CDH20: variants seen among roughly 807,000 people sequenced by gnomAD.
The protein encoded by CDH20 is cadherin 20, also known as cadherin-20.
Under a neutral mutation model 74.2 loss-of-function variants are expected in CDH20, and 29 were observed. The ratio of observed to expected loss-of-function variants is 0.39; its 90% confidence interval spans 0.29 to 0.53. The LOEUF is 0.53. CDH20 is among the 20% of genes least tolerant of loss of function. The pLI, the probability that CDH20 is intolerant of heterozygous loss-of-function variation, is 0.69. For synonymous variants in CDH20, 469 were observed against 405.4 expected, an observed-to-expected ratio of 1.16 and a Z score of -1.88; for missense variants, 988 against 1,048.3, an observed-to-expected ratio of 0.94 and a Z score of 0.79.
At chr18:61,531,163 CCATTGGGGAA>C (rs1193387743) in intron 7 of CDH20, among the ~76,000 whole-genome samples, 1 of 152,220 alleles carries the variant, frequency 6.6e-6, no homozygotes, top group African/African-American at 2.4e-5. Context: ...AATTCTGGCC[CCATTGGGGAA>C]ATCAGAGAGG....
At chr18:61,386,147 T>G (rs1911593452) in intron 1 of CDH20, among the ~76,000 whole-genome samples, 1 of 152,150 alleles carries the variant, frequency 6.6e-6, no homozygotes, top group South Asian at 2.1e-4. Flanking sequence ...GGTCAGAAAT[T>G]TATCAATAAA....
intron 6 of CDH20, among the ~76,000 whole-genome samples, chr18:61,515,101 C>T (rs1190375059): frequency 2.0e-5 from 3 of 152,178 alleles, no homozygotes; most frequent in Non-Finnish European, 4.4e-5. Flanking sequence ...CCCCCAGACT[C>T]GCTGCCACCT....
intron 1 of CDH20, among the ~76,000 whole-genome samples, chr18:61,398,218 G>A (rs1363000637): frequency 6.6e-6 from 1 of 152,148 alleles, no homozygotes; most frequent in Admixed American, 6.5e-5. Flanking sequence ...ACTAGTATAC[G>A]AATCATACAT....
Position 61,554,314 on chromosome 18 carries a change from C to T in CDH20, c.2025C>T (p.Thr675=), listed in dbSNP as rs1411801581. 4 of 1,613,672 alleles carry T rather than the reference C, an allele frequency of 2.5e-6. No homozygotes were observed. In the South Asian group the frequency reaches 4.4e-5, roughly 18 times the overall value. ...ACGAGGGCGGCGGCGAGGAGGACAC[C>T]GAGGCCTTCGACATCGCGGCCATGT... ...YDDEGGGEED[T]EAFDIAAMWN... Residue 675 remains threonine (T), a synonymous_variant, in exon 12 of 12, where the codon ACC becomes ACT. Transcript: ENST00000262717.
chr18:61,430,103 G>A (rs1913206767), intron 1 of CDH20, among the ~76,000 whole-genome samples: 3 of 151,626 alleles, frequency 2.0e-5, no homozygotes, highest in Admixed American at 2.0e-4. Flanking sequence ...TTACTCCTAG[G>A]CATCTTTTTT....
rs372638069 is a variant in CDH20 at position 61,378,488 on chromosome 18, G to A, written c.-153+44661G>A. ...CCAACGGATTAGATGATGCCTGCTC[G>A]CGTTGGACAGAGCAAGCTGCTGTAC... On this transcript the variant is annotated intron_variant, in intron 1 of 11. Coordinates refer to ENST00000262717, the MANE Select transcript of CDH20 (RefSeq NM_031891.4). 7.9e-5 allele frequency among the ~76,000 whole-genome samples: 12 copies of A among 152,240 alleles called. No homozygotes were observed. In the East Asian group the frequency reaches 1.5e-3, roughly 20 times the overall value.
rs1344790720 is a variant in CDH20 at position 61,347,347 on chromosome 18, CACACAT to C, written c.-153+13522_-153+13527del. Among the ~76,000 whole-genome samples, 483 of 120,308 alleles carry C rather than the reference CACACAT, an allele frequency of 4.0e-3. 4 individuals are homozygous for C. The highest frequency in any genetic ancestry group is 0.014 in the African/African-American group (446 of 31,056). The allele number at this position is 120,308 out of a possible 152,430, so 78.9% of individuals were successfully genotyped here. A position where few individuals can be genotyped will look rare whatever the true frequency, so the allele number is the denominator to read the frequency against. ...ACACACACACACACACACACACACA[CACACAT>C]ATATATATACACAAAAATTAGCCGG... On this transcript the variant is annotated intron_variant, in intron 1 of 11. Transcript: ENST00000262717.
At chr18:61,352,023 G>T (rs551346273) in intron 1 of CDH20, among the ~76,000 whole-genome samples, 1 of 152,254 alleles carries the variant, frequency 6.6e-6, no homozygotes, top group Admixed American at 6.5e-5. Flanking sequence ...AGATGTTTTT[G>T]ATCTTTGACC....
At chr18:61,381,388 T>C (rs1278721826) in intron 1 of CDH20, among the ~76,000 whole-genome samples, 2 of 152,218 alleles carry the variant, frequency 1.3e-5, no homozygotes, top group Non-Finnish European at 2.9e-5. Context: ...CAAAAAGTAA[T>C]GTTAGTCTGT....
chr18:61,350,042 A>G (rs4941010), intron 1 of CDH20, among the ~76,000 whole-genome samples: 8 of 152,116 alleles, frequency 5.3e-5, no homozygotes, highest in Admixed American at 3.3e-4. Flanking sequence ...GCAGTCACAC[A>G]GTAGTTGACT....
At chr18:61,444,476 A>G (rs10513874) in intron 1 of CDH20, among the ~76,000 whole-genome samples, 41,796 of 152,142 alleles carry the variant, frequency 0.27, 6,402 homozygotes, top group Non-Finnish European at 0.35. Flanking sequence ...ATACCCTTGT[A>G]AAAACAGACT....
intron 9 of CDH20, among the ~76,000 whole-genome samples, chr18:61,539,827 T>C (rs1466093941): frequency 2.0e-5 from 3 of 152,210 alleles, no homozygotes; most frequent in Non-Finnish European, 1.5e-5. Context: ...CTTCCTCAAT[T>C]AAAACATCCA....
intron 1 of CDH20, among the ~76,000 whole-genome samples, chr18:61,372,325 G>C (rs1229891690): frequency 6.6e-6 from 1 of 151,886 alleles, no homozygotes; most frequent in Non-Finnish European, 1.5e-5. Flanking sequence ...TATCTTCTGT[G>C]TCTATTGATC....
chr18:61,520,914 C>T (rs572975826), intron 6 of CDH20, among the ~76,000 whole-genome samples: 17 of 151,068 alleles, frequency 1.1e-4, no homozygotes, highest in Admixed American at 2.0e-4. Flanking sequence ...TCTGGGACAC[C>T]GCTAAAGCAG....
intron 1 of CDH20, among the ~76,000 whole-genome samples, chr18:61,412,155 T>A (rs977399079): frequency 6.6e-6 from 1 of 151,910 alleles, no homozygotes; most frequent in African/African-American, 2.4e-5. Context: ...AAAGTTTCCA[T>A]AAATCAGTTA....
At chr18:61,424,085 G>C (rs1235999780) in intron 1 of CDH20, among the ~76,000 whole-genome samples, 7 of 152,128 alleles carry the variant, frequency 4.6e-5, no homozygotes, top group Non-Finnish European at 1.0e-4. Context: ...ACTCATGTTT[G>C]TTTTACTAAT....
intron 1 of CDH20, among the ~76,000 whole-genome samples, chr18:61,477,274 T>C (rs935336790): frequency 6.6e-6 from 1 of 152,190 alleles, no homozygotes; most frequent in Admixed American, 6.5e-5. Context: ...CATCTCAGGC[T>C]GATAAACAAC....
intron 1 of CDH20, among the ~76,000 whole-genome samples, chr18:61,431,302 A>G (rs1913245524): frequency 6.6e-6 from 1 of 152,210 alleles, no homozygotes; most frequent in Non-Finnish European, 1.5e-5. Flanking sequence ...AAGTCTGAGA[A>G]ACGAAAGAAA....
intron 1 of CDH20, among the ~76,000 whole-genome samples, chr18:61,365,337 C>T (rs1201589109): frequency 1.3e-5 from 2 of 152,194 alleles, no homozygotes; most frequent in African/African-American, 2.4e-5. Flanking sequence ...ACTGAGGATT[C>T]TGAAAACTGT....
Sources: gnomAD v4.1 joint callset for allele counts (sites outside exome capture counted in the v4.1 genomes callset) on GRCh38, gnomAD v4.1.1 for gene constraint, MANE v1.5 for transcripts, NCBI Gene and HGNC (gene_info 2026-07-23, HGNC 2026-07-21) for gene names.